Variants in RASAL2 observed in about 807,000 individuals in gnomAD.
RASAL2 encodes RAS protein activator like 2.
RASAL2 carries 58 observed loss-of-function variants against 128.9 expected under a neutral mutation model. The observed-to-expected ratio is 0.45, with a 90% CI of 0.36 to 0.56. The LOEUF (loss-of-function observed/expected upper bound fraction) is 0.56, where lower values mean the gene tolerates loss of function less well. RASAL2 is among the 20% of genes least tolerant of loss of function. The pLI is 0.00. For synonymous variants in RASAL2, 561 were observed against 580.8 expected (o/e 0.97, Z 0.49); for missense variants, 1,360 against 1,601.6 (o/e 0.85, Z 2.57).
chr1:178,335,885 A>G (rs1486345987), intron 3 of RASAL2, among the ~76,000 whole-genome samples: 2 of 152,052 alleles, frequency 1.3e-5, no homozygotes, highest in African/African-American at 4.8e-5. Flanking sequence ...TAATACTATT[A>G]TAGAAAATTT....
intron 4 of RASAL2, among the ~76,000 whole-genome samples, chr1:178,403,450 A>C (rs984393090): frequency 1.3e-5 from 2 of 152,224 alleles, no homozygotes; most frequent in African/African-American, 4.8e-5. Flanking sequence ...ATTCATAGGG[A>C]ATATAAAATA....
At chr1:178,382,803 T>A (rs774507162) in intron 3 of RASAL2, among the ~76,000 whole-genome samples, 7 of 152,198 alleles carry the variant, frequency 4.6e-5, no homozygotes, top group Non-Finnish European at 1.0e-4. Flanking sequence ...TTTGTACTTG[T>A]CGTTGTTATG....
chr1:178,142,747 A>G (rs1571537799), intron 1 of RASAL2, among the ~76,000 whole-genome samples: 3 of 152,152 alleles, frequency 2.0e-5, no homozygotes, highest in Middle Eastern at 3.4e-3. Context: ...AAGCGGGGCC[A>G]TTTTCACTCT....
intron 3 of RASAL2, among the ~76,000 whole-genome samples, chr1:178,386,450 T>G (rs529145845): frequency 6.6e-6 from 1 of 152,302 alleles, no homozygotes; most frequent in African/African-American, 2.4e-5. Flanking sequence ...AAGAAAAACA[T>G]CCAGATGTTC....
intron 1 of RASAL2, among the ~76,000 whole-genome samples, chr1:178,175,268 GA>G (rs1431094004): frequency 1.3e-5 from 2 of 151,870 alleles, no homozygotes; most frequent in Non-Finnish European, 2.9e-5. Flanking sequence ...TTTTTGGGGG[GA>G]AAAGTCGTAT....
chr1:178,096,931 G>A (rs1458926051), intron 1 of RASAL2, among the ~76,000 whole-genome samples: 1 of 152,090 alleles, frequency 6.6e-6, no homozygotes. Context: ...GTATGAACAG[G>A]GTGTATGTTT....
chr1:178,145,051 G>A (rs1192919673), intron 1 of RASAL2, among the ~76,000 whole-genome samples: 1 of 152,056 alleles, frequency 6.6e-6, no homozygotes, highest in African/African-American at 2.4e-5. Context: ...GAATGCTGTT[G>A]TTTTTTCATG....
intron 4 of RASAL2, among the ~76,000 whole-genome samples, chr1:178,411,166 A>G (rs1458104031): frequency 7.2e-3 from 4 of 556 alleles, no homozygotes; most frequent in African/African-American, 0.029. Context: ...GTGTGTGTGT[A>G]CACACACACA....
At chr1:178,274,695 C>G (rs943045739) in intron 1 of RASAL2, among the ~76,000 whole-genome samples, 2 of 152,158 alleles carry the variant, frequency 1.3e-5, no homozygotes, top group African/African-American at 4.8e-5. Context: ...TCAAGCAATC[C>G]TCCTGCCACA....
chr1:178,153,899 G>A (rs1456602568), intron 1 of RASAL2, among the ~76,000 whole-genome samples: 4 of 152,016 alleles, frequency 2.6e-5, no homozygotes, highest in Admixed American at 6.6e-5. Context: ...GCAGTGGTGC[G>A]ATCTTGGCTT....
At chr1:178,315,360 G>A (rs1268851429) in intron 3 of RASAL2, among the ~76,000 whole-genome samples, 3 of 139,068 alleles carry the variant, frequency 2.2e-5, no homozygotes, top group South Asian at 2.2e-4. Flanking sequence ...CTGAGGAATC[G>A]CCACACTGAC....
At chr1:178,326,311 T>C (rs2102351855) in intron 3 of RASAL2, among the ~76,000 whole-genome samples, 1 of 152,296 alleles carries the variant, frequency 6.6e-6, no homozygotes, top group Admixed American at 6.5e-5. Context: ...AGGTTCAAAA[T>C]TTCATTAGCA....
Position 178,104,244 on chromosome 1 carries a change from C to T in RASAL2, c.202+9550C>T, listed in dbSNP as rs554001794. Among the ~76,000 whole-genome samples, 5 of 152,188 alleles carry T rather than the reference C, an allele frequency of 3.3e-5. No homozygotes were observed. The South Asian group carries it at 1.0e-3, about 32-fold the overall frequency. ...TGTTGAAGAAACCAGCTTTTTCGCA[C>T]TGATTTAAGAAGACTTCTTTATTCT... On this transcript the variant is annotated intron_variant, in intron 1 of 17. Coordinates refer to ENST00000367649, the MANE Select transcript of RASAL2 (RefSeq NM_170692.4).
At chr1:178,115,899 GC>G (rs138070761) in intron 1 of RASAL2, among the ~76,000 whole-genome samples, 5,341 of 152,208 alleles carry the variant, frequency 0.035, 278 homozygotes, top group African/African-American at 0.12. Context: ...GGATATGGGG[GC>G]AGGCAGATAT....
chr1:178,281,527 CTATTAATCAATATCCTGT>C (rs538941798), intron 1 of RASAL2, among the ~76,000 whole-genome samples: 1 of 152,034 alleles, frequency 6.6e-6, no homozygotes, highest in Non-Finnish European at 1.5e-5. Context: ...CTGGGTTGTG[CTATTAATCAATATCCTGT>C]ATTAAAATTT....
intron 1 of RASAL2, among the ~76,000 whole-genome samples, chr1:178,243,416 C>T (rs1664608183): frequency 1.3e-5 from 2 of 151,932 alleles, no homozygotes; most frequent in South Asian, 4.2e-4. Context: ...AGGAACACTT[C>T]CCAGCCTGAG....
At chr1:178,246,047 C>G (rs374889644) in intron 1 of RASAL2, among the ~76,000 whole-genome samples, 2 of 152,272 alleles carry the variant, frequency 1.3e-5, no homozygotes, top group Non-Finnish European at 2.9e-5. Context: ...CTTGGCTATA[C>G]AGGCTCTTGT....
intron 3 of RASAL2, among the ~76,000 whole-genome samples, chr1:178,389,052 A>G (rs1672744813): frequency 6.6e-6 from 1 of 152,222 alleles, no homozygotes; most frequent in South Asian, 2.1e-4. Flanking sequence ...CACGGATCCC[A>G]GGGGCCAGGA....
At chr1:178,150,840 C>T (rs754400344) in intron 1 of RASAL2, among the ~76,000 whole-genome samples, 1 of 152,092 alleles carries the variant, frequency 6.6e-6, no homozygotes, top group African/African-American at 2.4e-5. Flanking sequence ...GGGAAAAAAG[C>T]AACACTCTGC....
Sources: allele counts gnomAD v4.1 joint callset (sites outside exome capture counted in the v4.1 genomes callset), GRCh38; gene constraint gnomAD v4.1.1; transcripts MANE v1.5; gene names NCBI Gene and HGNC (gene_info 2026-07-23, HGNC 2026-07-21).